RFTN2: variants seen among roughly 807,000 people sequenced by gnomAD.
RFTN2 encodes the protein raftlin-2.
In RFTN2, 34 loss-of-function variants were observed where a neutral mutation model predicts 52.7. The observed-to-expected ratio is 0.64, with a 90% CI of 0.49 to 0.86. RFTN2 has a LOEUF of 0.86. RFTN2 is among the 40% of genes least tolerant of loss of function. The pLI, the probability that RFTN2 is intolerant of heterozygous loss-of-function variation, is 0.00. For synonymous variants in RFTN2, 203 were observed against 217.7 expected, an observed-to-expected ratio of 0.93 and a Z score of 0.59; for missense variants, 536 against 600.1, an observed-to-expected ratio of 0.89 and a Z score of 1.12.
chr2:197,645,822 C>T (rs915306551), intron 2 of RFTN2, among the ~76,000 whole-genome samples: 7 of 152,060 alleles, frequency 4.6e-5, no homozygotes, highest in Non-Finnish European at 8.8e-5. Flanking sequence ...GTCAGGAGTT[C>T]GAGACCAGCC....
intron 5 of RFTN2, among the ~76,000 whole-genome samples, chr2:197,620,065 T>C (rs1421099306): frequency 1.3e-5 from 2 of 151,812 alleles, no homozygotes; most frequent in East Asian, 3.9e-4. Flanking sequence ...ATTATAACCA[T>C]TAAGAGAAAC....
intron 5 of RFTN2, among the ~76,000 whole-genome samples, chr2:197,626,328 G>C (rs2088358454): frequency 6.6e-6 from 1 of 152,032 alleles, no homozygotes; most frequent in African/African-American, 2.4e-5. Flanking sequence ...CACTTTGGGA[G>C]GCCAAAGCTG....
At chr2:197,583,896 C>T (rs948767248) in intron 8 of RFTN2, among the ~76,000 whole-genome samples, 76 of 152,088 alleles carry the variant, frequency 5.0e-4, no homozygotes, top group African/African-American at 1.8e-3. Context: ...TTTGTCCCTG[C>T]GATAGTTTAC....
intron 1 of RFTN2, among the ~76,000 whole-genome samples, chr2:197,661,486 G>A (rs1385047481): frequency 6.6e-6 from 1 of 152,022 alleles, no homozygotes; most frequent in Non-Finnish European, 1.5e-5. Flanking sequence ...TTTTATGGCT[G>A]AATAGTATTC....
chr2:197,586,497 G>A (rs2087600393), intron 8 of RFTN2, among the ~76,000 whole-genome samples: 1 of 152,124 alleles, frequency 6.6e-6, no homozygotes, highest in Non-Finnish European at 1.5e-5. Flanking sequence ...GTGTCTACCT[G>A]CTAATTGGAC....
intron 5 of RFTN2, among the ~76,000 whole-genome samples, chr2:197,619,606 G>A (rs973107978): frequency 4.7e-5 from 7 of 148,496 alleles, no homozygotes; most frequent in African/African-American, 1.5e-4. Context: ...CAAACACTGC[G>A]GAAGGCCGCA....
chr2:197,571,964 T>C lies in RFTN2; in HGVS notation c.*44A>G. On this transcript the variant is annotated 3_prime_UTR_variant, in exon 9 of 9. Coordinates refer to ENST00000295049, the MANE Select transcript of RFTN2 (RefSeq NM_144629.3). ...TACAATAAGGTCAGTTGGCAATGAT[T>C]TTAACAATTATTTACAGGGCCTTCC... 6.3e-7 allele frequency: 1 copy of C among 1,588,894 alleles called. No homozygotes were observed. The highest frequency in any genetic ancestry group is 8.6e-7 in the Non-Finnish European group (1 of 1,158,990).
At chr2:197,605,871 C>T (rs1235460919) in intron 7 of RFTN2, among the ~76,000 whole-genome samples, 1 of 152,138 alleles carries the variant, frequency 6.6e-6, no homozygotes, top group Non-Finnish European at 1.5e-5. Context: ...CTTTTGGAAG[C>T]ACTATTCTTT....
intron 5 of RFTN2, among the ~76,000 whole-genome samples, chr2:197,622,107 G>A (rs1459527517): frequency 6.6e-6 from 1 of 152,116 alleles, no homozygotes; most frequent in Non-Finnish European, 1.5e-5. Context: ...GGCTGAGAGA[G>A]GTGAGGAAGC....
intron 5 of RFTN2, among the ~76,000 whole-genome samples, chr2:197,625,053 A>G (rs189109543): frequency 6.6e-6 from 1 of 152,298 alleles, no homozygotes; most frequent in Admixed American, 6.5e-5. Context: ...AAGACCCTCT[A>G]CCATCAGGCT....
intron 8 of RFTN2, among the ~76,000 whole-genome samples, chr2:197,584,728 G>A (rs947228591): frequency 9.2e-5 from 14 of 152,050 alleles, no homozygotes; most frequent in Admixed American, 2.6e-4. Flanking sequence ...ACGTGTCCTC[G>A]AGATGCTACA....
At chr2:197,590,296 T>C (rs1457254450) in intron 8 of RFTN2, among the ~76,000 whole-genome samples, 1 of 152,182 alleles carries the variant, frequency 6.6e-6, no homozygotes, top group African/African-American at 2.4e-5. Context: ...TGAATTCTCT[T>C]AATAGCTTAG....
intron 7 of RFTN2, among the ~76,000 whole-genome samples, chr2:197,598,884 A>AT (rs1293241684): frequency 6.6e-6 from 1 of 152,110 alleles, no homozygotes; most frequent in African/African-American, 2.4e-5. Flanking sequence ...TCCTGTTGGT[A>AT]TGGAGTGTGG....
intron 1 of RFTN2, among the ~76,000 whole-genome samples, chr2:197,666,909 C>A (rs1395881020): frequency 6.6e-6 from 1 of 152,070 alleles, no homozygotes; most frequent in Non-Finnish European, 1.5e-5. Context: ...ACTGCTTGAT[C>A]TAGTCTATTG....
intron 7 of RFTN2, among the ~76,000 whole-genome samples, chr2:197,599,859 T>C (rs550846013): frequency 2.6e-5 from 4 of 151,812 alleles, no homozygotes; most frequent in East Asian, 1.9e-4. Context: ...GATTTTATTT[T>C]ATATTTTATT....
chr2:197,591,896 G>A (rs1490014454), intron 8 of RFTN2, among the ~76,000 whole-genome samples: 5 of 151,846 alleles, frequency 3.3e-5, no homozygotes, highest in Non-Finnish European at 7.4e-5. Flanking sequence ...AGCACTGTGC[G>A]CAGAACTGGT....
intron 1 of RFTN2, among the ~76,000 whole-genome samples, chr2:197,651,278 T>G (rs953273513): frequency 2.6e-5 from 4 of 152,236 alleles, no homozygotes; most frequent in African/African-American, 9.6e-5. Flanking sequence ...ATAGTCCCAT[T>G]TATCTATTTT....
intron 3 of RFTN2, among the ~76,000 whole-genome samples, chr2:197,641,713 C>T (rs138319422): frequency 1.5e-3 from 230 of 152,312 alleles, no homozygotes; most frequent in Non-Finnish European, 2.8e-3. Flanking sequence ...TAGAACTTGA[C>T]TTAAAAGTTA....
chr2:197,578,004 A>C (rs1242687201), intron 8 of RFTN2, among the ~76,000 whole-genome samples: 1 of 152,138 alleles, frequency 6.6e-6, no homozygotes, highest in Non-Finnish European at 1.5e-5. Context: ...GGCGTGAGCC[A>C]CCGCGCCCAG....
Sources: gnomAD v4.1 joint callset for allele counts (sites outside exome capture counted in the v4.1 genomes callset) on GRCh38, gnomAD v4.1.1 for gene constraint, MANE v1.5 for transcripts, NCBI Gene and HGNC (gene_info 2026-07-23, HGNC 2026-07-21) for gene names.